Variants in CPD observed in about 807,000 individuals in gnomAD.
The protein encoded by CPD is carboxypeptidase D.
A neutral mutation model predicts 138.3 loss-of-function variants in CPD; 69 were observed. The ratio of observed to expected loss-of-function variants is 0.50; its 90% confidence interval spans 0.41 to 0.61. The LOEUF is 0.61. Among genes scored for constraint, CPD ranks in the 20% least tolerant of loss-of-function variants. The pLI, the probability that CPD is intolerant of heterozygous loss-of-function variation, is 0.00. For missense variants in CPD, 1,432 were observed against 1,733.3 expected (o/e 0.83, Z 3.09); for synonymous variants, 651 against 642.1 (o/e 1.01, Z -0.21).
chr17:30,421,676 G>A lies in CPD; in HGVS notation c.1150G>A (p.Val384Met), dbSNP rs767772875. ...CTTGTCTTCTTAGGTTCACATTGGAGTGAAAGGATTTGTTAAAGATTCCAT... is the reference window on the plus strand; with the variant it reads ...CTTGTCTTCTTAGGTTCACATTGGAATGAAAGGATTTGTTAAAGATTCCAT... Reference protein sequence around the residue: ...ITLIEKVHIGVKGFVKDSITG... With the variant: ...ITLIEKVHIGMKGFVKDSITG... The change falls in exon 4 of 21, where the codon GTG (valine) becomes ATG (methionine). Residue 384 changes from valine (V) to methionine (M), a missense_variant. Coordinates refer to ENST00000225719, the MANE Select transcript of CPD (RefSeq NM_001304.5). 6.2e-6 allele frequency: 10 copies of A among 1,613,650 alleles called. No individual in the cohort carries two copies. The highest frequency in any genetic ancestry group is 6.8e-6 in the Non-Finnish European group (8 of 1,179,718).
chr17:30,428,242 C>T (rs572254155), intron 7 of CPD, among the ~76,000 whole-genome samples: 5 of 152,226 alleles, frequency 3.3e-5, no homozygotes, highest in South Asian at 2.1e-4. Flanking sequence ...GATTAAAAAT[C>T]GCCACAATGT....
intron 2 of CPD, among the ~76,000 whole-genome samples, chr17:30,415,405 A>C (rs969238783): frequency 6.6e-6 from 1 of 152,200 alleles, no homozygotes; most frequent in Admixed American, 6.5e-5. Flanking sequence ...CTGACTCACA[A>C]ATCACTGTGA....
At chr17:30,384,561 G>A (rs770024495) in intron 1 of CPD, among the ~76,000 whole-genome samples, 9 of 152,132 alleles carry the variant, frequency 5.9e-5, no homozygotes, top group Non-Finnish European at 1.2e-4. Context: ...AGCATTTTGG[G>A]AGGCCTGGCA....
In CPD at chr17:30,456,443, T is replaced by C. The variant is rs1321614078; in HGVS notation, c.3434-19T>C. ...ACCTTAAGGTCTTCCTGATTCCACA[T>C]CTCTTAATGCTTTTATAGATGAGAA... is the stretch of plus-strand genomic sequence containing the variant. On this transcript the variant is annotated intron_variant, in intron 16 of 20. Transcript: ENST00000225719. 2 of 1,613,732 alleles carry C rather than the reference T, an allele frequency of 1.2e-6. No individual in the cohort carries two copies. The highest frequency in any genetic ancestry group is 1.7e-6 in the Non-Finnish European group (2 of 1,179,704).
chr17:30,389,661 A>G (rs1290846405), intron 2 of CPD, among the ~76,000 whole-genome samples: 1 of 152,252 alleles, frequency 6.6e-6, no homozygotes, highest in East Asian at 1.9e-4. Context: ...TCCGGCCTCT[A>G]CAAAACGTAG....
At chr17:30,452,200 A>G (rs1219217736) in intron 14 of CPD, among the ~76,000 whole-genome samples, 1 of 151,936 alleles carries the variant, frequency 6.6e-6, no homozygotes, top group Non-Finnish European at 1.5e-5. Flanking sequence ...TTTCTTATTT[A>G]CTTAAATGGG....
intron 2 of CPD, among the ~76,000 whole-genome samples, chr17:30,393,024 G>T (rs927900123): frequency 6.6e-6 from 1 of 152,182 alleles, no homozygotes; most frequent in Non-Finnish European, 1.5e-5. Context: ...TTTCAAACTA[G>T]TAATTATGAT....
chr17:30,395,245 GGGA>G (rs1911471492), intron 2 of CPD, among the ~76,000 whole-genome samples: 1 of 144,304 alleles, frequency 6.9e-6, no homozygotes, highest in East Asian at 2.0e-4. Flanking sequence ...ATTTCGTACT[GGGA>G]TGTTTTCCTT....
intron 5 of CPD, 47 bp from the exon 6 acceptor site, chr17:30,423,459 T>G: frequency 2.9e-6 from 4 of 1,365,134 alleles, no homozygotes; most frequent in Non-Finnish European, 3.9e-6. Context: ...GAGTCCATGA[T>G]GATTAAGAAG....
rs758779593 is a variant in CPD at position 30,379,547 on chromosome 17, T to C, written c.567T>C (p.Arg189=). The change falls in exon 1 of 21, where the codon CGT becomes CGC. Residue 189 remains arginine, a synonymous_variant. Coordinates refer to ENST00000225719, the MANE Select transcript of CPD (RefSeq NM_001304.5). This position sits in a 1 kb window ranked among gnomAD's most constrained non-coding sequence, Gnocchi z 7.0. The part of the protein sequence containing the change: ...LPSLNPDGFE[R]AREGDCGFGD... ...GCCTCAACCCCGATGGCTTCGAGCG[T>C]GCCCGCGAGGGCGACTGTGGCTTCG... The C allele has an allele frequency of 1.6e-5, 25 of 1,548,650 alleles. No homozygotes were observed. The Middle Eastern group carries it at 1.9e-3, about 117-fold the overall frequency.
At position 30,422,846 on chromosome 17, in the gene CPD, C is replaced by A; in HGVS notation, c.1480C>A (p.Gln494Lys). The change falls in exon 5 of 21, where the codon CAG becomes AAG. Residue 494 changes from glutamine (Q) to lysine (K), a missense_variant. Coordinates refer to ENST00000225719, the MANE Select transcript of CPD (RefSeq NM_001304.5). The part of the protein sequence containing the change: ...NILSGTSSSY[Q>K]PIQPKDFHHH... ...TCTTTCTGGAACATCATCCTCCTACCAGCCAATTCAGCCAAAGGACTTTCA... is the reference window on the plus strand; with the variant it reads ...TCTTTCTGGAACATCATCCTCCTACAAGCCAATTCAGCCAAAGGACTTTCA... 6.2e-7 allele frequency: 1 copy of A among 1,614,082 alleles called. No individual in the cohort carries two copies. The highest frequency in any genetic ancestry group is 1.1e-5 in the South Asian group (1 of 91,080).
chr17:30,400,991 G>C (rs1911645316), intron 2 of CPD, among the ~76,000 whole-genome samples: 1 of 151,920 alleles, frequency 6.6e-6, no homozygotes, highest in South Asian at 2.1e-4. Context: ...CATCCTTCTT[G>C]AAGGACATTT....
Position 30,451,963 on chromosome 17 carries a change from A to G in CPD, c.3205+117A>G, listed in dbSNP as rs554601133. 15 of 945,544 alleles carry G rather than the reference A, an allele frequency of 1.6e-5. No homozygotes were observed. In the African/African-American group the frequency reaches 2.0e-4, roughly 13 times the overall value. The allele number at this position is 945,544 out of a possible 1,614,324, so 58.6% of individuals were successfully genotyped here. A position where few individuals can be genotyped will look rare whatever the true frequency, so the allele number is the denominator to read the frequency against. On this transcript the variant is annotated intron_variant, in intron 14 of 20. Coordinates refer to ENST00000225719, the MANE Select transcript of CPD (RefSeq NM_001304.5). ...GAGTACTTTCTTGTCTGGGTTATGAATGTGAGGTATAAATGAATTCAGACA... is the reference window on the plus strand; with the variant it reads ...GAGTACTTTCTTGTCTGGGTTATGAGTGTGAGGTATAAATGAATTCAGACA...
intron 2 of CPD, among the ~76,000 whole-genome samples, chr17:30,398,232 A>G (rs1036259963): frequency 1.8e-5 from 2 of 110,512 alleles, no homozygotes; most frequent in Non-Finnish European, 3.7e-5. Context: ...ATAGAATAGA[A>G]TAGAACAGAA....
At chr17:30,462,242 A>G in intron 19 of CPD, 128 bp from the exon 20 acceptor site, 2 of 1,053,160 alleles carry the variant, frequency 1.9e-6, no homozygotes, top group South Asian at 3.3e-5. Flanking sequence ...AAAATTTTCT[A>G]GCATTTTGTA....
At chr17:30,443,696 G>C (rs1912940222) in intron 10 of CPD, 106 bp from the exon 11 acceptor site, 1 of 1,134,460 alleles carries the variant, frequency 8.8e-7, no homozygotes, top group South Asian at 1.8e-5. Flanking sequence ...ATTCCTGTTT[G>C]TTCCATTTAT....
intron 2 of CPD, among the ~76,000 whole-genome samples, chr17:30,406,944 C>T (rs1304836606): frequency 6.6e-6 from 1 of 152,088 alleles, no homozygotes; most frequent in Non-Finnish European, 1.5e-5. Flanking sequence ...AGGTATTTCT[C>T]CTAATGCTAT....
intron 13 of CPD, among the ~76,000 whole-genome samples, chr17:30,450,926 G>A (rs766945939): frequency 7.2e-5 from 11 of 152,276 alleles, no homozygotes; most frequent in South Asian, 2.1e-4. Context: ...CTAGTTGTAC[G>A]TTGCCTCAGA....
intron 2 of CPD, among the ~76,000 whole-genome samples, chr17:30,405,667 C>CTG (rs1911784510): frequency 6.6e-6 from 1 of 152,026 alleles, no homozygotes; most frequent in Admixed American, 6.6e-5. Context: ...CTGAAGTGAA[C>CTG]TGCTTTAGTA....
Sources: allele counts gnomAD v4.1 joint callset (sites outside exome capture counted in the v4.1 genomes callset), GRCh38; gene constraint gnomAD v4.1.1; non-coding constraint Gnocchi (gnomAD v3.1); transcripts MANE v1.5; gene names NCBI Gene and HGNC (gene_info 2026-07-23, HGNC 2026-07-21).